The following CLASP2 variants were observed in gnomAD, a reference collection of about 807,000 sequenced individuals.
The protein encoded by CLASP2 is CLIP-associating protein 2.
Under a neutral mutation model 194.4 loss-of-function variants are expected in CLASP2, and 47 were observed. The observed-to-expected ratio is 0.24, with a 90% CI of 0.19 to 0.31. CLASP2 has a LOEUF of 0.31. CLASP2 is among the 10% of genes least tolerant of loss of function. CLASP2 has a pLI of 1.00. For synonymous variants in CLASP2, 619 were observed against 633.5 expected, an observed-to-expected ratio of 0.98 and a Z score of 0.34; for missense variants, 1,445 against 1,823.6, an observed-to-expected ratio of 0.79 and a Z score of 3.78.
chr3:33,687,303 G>A (rs1275453016), intron 4 of CLASP2, among the ~76,000 whole-genome samples, 168 bp from the exon 5 acceptor site: 1 of 150,908 alleles, frequency 6.6e-6, no homozygotes, highest in East Asian at 1.9e-4. Context: ...ATAATTCTAA[G>A]CAATGTAGCA....
At chr3:33,652,567 G>T (rs1575289917) in intron 7 of CLASP2, among the ~76,000 whole-genome samples, 1 of 152,148 alleles carries the variant, frequency 6.6e-6, no homozygotes, top group East Asian at 1.9e-4. Flanking sequence ...CTTCTCTCCA[G>T]ACTATACACT....
intron 7 of CLASP2, among the ~76,000 whole-genome samples, chr3:33,648,693 T>G (rs2082682973): frequency 6.6e-6 from 1 of 152,204 alleles, no homozygotes; most frequent in Non-Finnish European, 1.5e-5. Context: ...TGGGCTTGAA[T>G]TTTTTTCTAA....
intron 16 of CLASP2, among the ~76,000 whole-genome samples, chr3:33,605,281 T>C (rs2154258590): frequency 6.6e-6 from 1 of 152,296 alleles, no homozygotes; most frequent in East Asian, 1.9e-4. Context: ...AGTCTGAGCA[T>C]AGTTAATAAA....
chr3:33,718,039 G>C lies in CLASP2; in HGVS notation c.-37C>G, dbSNP rs547885199. 9 of 1,447,472 alleles carry C rather than the reference G, an allele frequency of 6.2e-6. No individual in the cohort carries two copies. Among genetic ancestry groups the C allele is most frequent in the African/African-American group, 2.9e-5 (2 of 67,964 alleles). 89.7% of individuals were successfully genotyped at this position (1,447,472 alleles called of 1,614,324 possible). On this transcript the variant is annotated 5_prime_UTR_variant, in exon 1 of 39. Transcript: ENST00000682230. ...CCCGCCCGCCTGCCAGTCTGTGAGC[G>C]GCCAACTTTCGCCGAGAGCCGCCCA...
intron 38 of CLASP2, among the ~76,000 whole-genome samples, chr3:33,499,625 A>G (rs1368715193): frequency 1.3e-5 from 2 of 152,120 alleles, no homozygotes; most frequent in African/African-American, 4.8e-5. Context: ...CTGGGATTAC[A>G]GTTGTGAGCC....
At position 33,565,238 on chromosome 3, in the gene CLASP2, G is replaced by A. The variant is rs545177948; in HGVS notation, c.2766+1494C>T. Among the ~76,000 whole-genome samples the A allele has an allele frequency of 4.6e-5, 7 of 152,150 alleles. No homozygotes were observed. The East Asian group carries it at 1.4e-3, about 30-fold the overall frequency. ...CTATCACCCAGGGTGGAGTGCACTG[G>A]TGCGATCTCGGCTCACTGAAACCTC... On this transcript the variant is annotated intron_variant, in intron 27 of 38. Coordinates refer to ENST00000682230, the MANE Select transcript of CLASP2 (RefSeq NM_001365631.1).
chr3:33,517,184 G>T lies in CLASP2; in HGVS notation c.3788-10C>A. The T allele has an allele frequency of 1.2e-6, 2 of 1,604,392 alleles. No individual in the cohort carries two copies. Among genetic ancestry groups the T allele is most frequent in the Non-Finnish European group, 1.7e-6 (2 of 1,176,638 alleles). ...TGATCTAGGGAAAGATCTGTCAAAA[G>T]GACATGGTATTAGTTCTATAACTTT... On this transcript the variant is annotated splice_polypyrimidine_tract_variant and intron_variant, in intron 34 of 38. Transcript: ENST00000682230.
rs1252644525 is a variant in CLASP2, at chr3:33,667,915, A to T, written c.645-4400T>A. On this transcript the variant is annotated intron_variant, in intron 6 of 38. Transcript: ENST00000682230. ...TTTGATAGAAAAAAATTGTTTAATT[A>T]TTATTTTAAAACTATTTGACCTCAC... 2.6e-5 allele frequency among the ~76,000 whole-genome samples: 4 copies of T among 152,188 alleles called. No individual in the cohort carries two copies. In the East Asian group the frequency reaches 7.7e-4, roughly 29 times the overall value.
chr3:33,538,856 C>G lies in CLASP2; in HGVS notation c.3491G>C (p.Ser1164Thr). Residue 1164 changes from serine to threonine, a missense_variant, in exon 33 of 39, where the codon AGC (serine) becomes ACC (threonine). Coordinates refer to ENST00000682230, the MANE Select transcript of CLASP2 (RefSeq NM_001365631.1). The stretch of plus-strand genomic sequence containing the variant: ...ATTCATATCTTCTTGGCTACGGAAG[C>G]TGAAATTCTGGATTGCTTCAGTGAC... Reference protein sequence around the residue: ...RGVTEAIQNFSFRSQEDMNEP... With the variant: ...RGVTEAIQNFTFRSQEDMNEP... The G allele has an allele frequency of 6.2e-7, 1 of 1,607,646 alleles. No individual in the cohort carries two copies. The highest frequency in any genetic ancestry group is 8.5e-7 in the Non-Finnish European group (1 of 1,176,836).
chr3:33,534,429 T>C (rs1040090257), intron 34 of CLASP2, among the ~76,000 whole-genome samples: 4 of 151,770 alleles, frequency 2.6e-5, no homozygotes, highest in Non-Finnish European at 5.9e-5. Flanking sequence ...TAAAATTAGC[T>C]GAGTATGGTG....
intron 6 of CLASP2, 123 bp from the exon 7 acceptor site, chr3:33,663,638 A>C: frequency 1.5e-6 from 1 of 653,978 alleles, no homozygotes; most frequent in Non-Finnish European, 2.6e-6. Context: ...TTTTCTATAC[A>C]ACTCTCTTTC....
At chr3:33,511,431 C>A (rs1247166977) in intron 36 of CLASP2, among the ~76,000 whole-genome samples, 1 of 152,146 alleles carries the variant, frequency 6.6e-6, no homozygotes, top group Non-Finnish European at 1.5e-5. Flanking sequence ...GAGTCCCCTG[C>A]ATAAGCCATG....
At chr3:33,716,660 G>T in intron 1 of CLASP2, among the ~76,000 whole-genome samples, 1 of 152,140 alleles carries the variant, frequency 6.6e-6, no homozygotes, top group East Asian at 1.9e-4. Context: ...AAATGGTAAT[G>T]ATATATTATT....
intron 26 of CLASP2, among the ~76,000 whole-genome samples, chr3:33,568,162 G>A (rs879442361): frequency 6.6e-5 from 10 of 152,108 alleles, no homozygotes; most frequent in African/African-American, 2.2e-4. Flanking sequence ...TATGACAGGG[G>A]TCAGCAAACT....
At chr3:33,564,077 A>G (rs1270542683) in intron 27 of CLASP2, 6 of 367,730 alleles carry the variant, frequency 1.6e-5, no homozygotes, top group African/African-American at 6.5e-5. Context: ...TTATGGTGCT[A>G]TTTAGCTTTT....
At chr3:33,589,751 A>G (rs186007314) in intron 21 of CLASP2, among the ~76,000 whole-genome samples, 240 of 152,132 alleles carry the variant, frequency 1.6e-3, no homozygotes, top group Admixed American at 6.8e-3. Context: ...AAATTATTCT[A>G]TTTTCCAGTG....
At position 33,708,094 on chromosome 3, in the gene CLASP2, C is replaced by T. The variant is rs1049328649; in HGVS notation, c.195+9714G>A. Among the ~76,000 whole-genome samples the T allele has an allele frequency of 7.2e-5, 11 of 152,142 alleles. No homozygotes were observed. In the East Asian group the frequency reaches 1.4e-3, roughly 19 times the overall value. Reference sequence around the variant, plus strand: ...TTTTGTGGTGAGAACGTGACATCTACGCTCTTAGTAAATTTCAAGTACAAT... The same window carrying T: ...TTTTGTGGTGAGAACGTGACATCTATGCTCTTAGTAAATTTCAAGTACAAT... On this transcript the variant is annotated intron_variant, in intron 1 of 38. Transcript: ENST00000682230.
At position 33,607,373 on chromosome 3, in the gene CLASP2, C is replaced by T. The variant is rs1273705096; in HGVS notation, c.1526+11G>A. Reference sequence around the variant, plus strand: ...ATTAAACTGTCACAAAACTATACTACACTGACTTACTTTCTTGCCTCCACT... The same window carrying T: ...ATTAAACTGTCACAAAACTATACTATACTGACTTACTTTCTTGCCTCCACT... On this transcript the variant is annotated intron_variant, in intron 15 of 38. Transcript: ENST00000682230. 1 of 1,586,844 alleles carries T rather than the reference C, an allele frequency of 6.3e-7. No individual in the cohort carries two copies. The highest frequency in any genetic ancestry group is 1.1e-5 in the South Asian group (1 of 87,286).
At chr3:33,646,256 A>C (rs1048932359) in intron 7 of CLASP2, among the ~76,000 whole-genome samples, 2 of 151,822 alleles carry the variant, frequency 1.3e-5, no homozygotes, top group African/African-American at 2.4e-5. Flanking sequence ...AAAATATGCC[A>C]AGAAAGTTTT....
Sources: allele counts gnomAD v4.1 joint callset (sites outside exome capture counted in the v4.1 genomes callset), GRCh38; gene constraint gnomAD v4.1.1; transcripts MANE v1.5; gene names NCBI Gene and HGNC (gene_info 2026-07-23, HGNC 2026-07-21).